Variants in ZNF566 observed in about 807,000 individuals in gnomAD.
ZNF566 encodes zinc finger protein 566.
In ZNF566, 27 loss-of-function variants were observed where a neutral mutation model predicts 32.8. The ratio of observed to expected loss-of-function variants is 0.82; its 90% CI spans 0.61 to 1.14. The LOEUF (loss-of-function observed/expected upper bound fraction) is 1.14. ZNF566 is among the 50% of genes most tolerant of loss of function. The probability of loss-of-function intolerance (pLI) is 0.00; values close to 1 mark genes in which losing one functional copy is unlikely to be tolerated. For synonymous variants in ZNF566, 154 were observed against 159.5 expected (o/e 0.97, Z 0.26); for missense variants, 402 against 490.4 (o/e 0.82, Z 1.70).
At chr19:36,466,929 C>T (rs573290186) in intron 4 of ZNF566, among the ~76,000 whole-genome samples, 57 of 149,134 alleles carry the variant, frequency 3.8e-4, no homozygotes, top group African/African-American at 1.4e-3. Context: ...ATTAGCCGGG[C>T]GAGGTGGCAG....
At chr19:36,466,807 C>T (rs1600156841) in intron 4 of ZNF566, among the ~76,000 whole-genome samples, 1 of 152,182 alleles carries the variant, frequency 6.6e-6, no homozygotes, top group African/African-American at 2.4e-5. Flanking sequence ...GGCGCAGTGG[C>T]TCATGCCTAT....
chr19:36,459,526 T>A (rs1161937936), intron 4 of ZNF566, among the ~76,000 whole-genome samples: 1 of 150,942 alleles, frequency 6.6e-6, no homozygotes, highest in Non-Finnish European at 1.5e-5. Flanking sequence ...TACTTTTTTT[T>A]TTTGAGACAG....
intron 1 of ZNF566, among the ~76,000 whole-genome samples, chr19:36,483,897 G>T (rs1300058760): frequency 6.6e-6 from 1 of 151,948 alleles, no homozygotes. Context: ...ACAAGTTCTT[G>T]TTTGCCTTTT....
Position 36,449,688 on chromosome 19 carries a change from A to G in ZNF566, c.546T>C (p.His182=), listed in dbSNP as rs775365344. Residue 182 remains histidine, a synonymous_variant, in exon 5 of 5, where the codon CAT becomes CAC. Coordinates refer to ENST00000452939, the MANE Select transcript of ZNF566 (RefSeq NM_001145344.1). ...ASKEYRKTFR[H]GSQFATHEII... ...TCTCATGTGTAGCAAACTGTGAGCCATGTCTAAAGGTTTTCCTATATTCTT... is the reference window on the plus strand; with the variant it reads ...TCTCATGTGTAGCAAACTGTGAGCCGTGTCTAAAGGTTTTCCTATATTCTT... 1.2e-6 allele frequency: 2 copies of G among 1,614,142 alleles called. No individual in the cohort carries two copies. The highest frequency in any genetic ancestry group is 1.7e-6 in the Non-Finnish European group (2 of 1,180,020).
intron 1 of ZNF566, among the ~76,000 whole-genome samples, chr19:36,481,748 A>G (rs113448366): frequency 6.6e-6 from 1 of 152,194 alleles, no homozygotes; most frequent in Non-Finnish European, 1.5e-5. Flanking sequence ...GCAATAGAAA[A>G]ATACATATAT....
chr19:36,450,668 T>C (rs957912831), intron 4 of ZNF566, among the ~76,000 whole-genome samples: 1 of 151,884 alleles, frequency 6.6e-6, no homozygotes, highest in Non-Finnish European at 1.5e-5. Flanking sequence ...AATAAATAAA[T>C]AAATAAAGGA....
intron 4 of ZNF566, among the ~76,000 whole-genome samples, chr19:36,451,552 TTCAGTTACA>T (rs1329788102): frequency 6.6e-6 from 1 of 152,138 alleles, no homozygotes; most frequent in Non-Finnish European, 1.5e-5. Context: ...AGATACTAGA[TTCAGTTACA>T]TGCGTTTTAT....
intron 2 of ZNF566, among the ~76,000 whole-genome samples, chr19:36,474,530 T>G (rs1274357381): frequency 6.6e-6 from 1 of 152,164 alleles, no homozygotes. Flanking sequence ...AAGTGCAGTA[T>G]GGGAATACAA....
chr19:36,449,182 C>CAT lies in ZNF566; in HGVS notation c.1051_1052insAT (p.Gly351AspfsTer98). On this transcript the variant is annotated frameshift_variant, in exon 5 of 5. Transcript: ENST00000452939. LOFTEE classifies it high-confidence loss of function. ...TCTCTGATGTCTAGTAAGGTCTGAG[C>CAT]CAGAACGAAAAGCCTTTTCACATTC... 6.2e-7 allele frequency: 1 copy of CAT among 1,613,978 alleles called. No homozygotes were observed. Among genetic ancestry groups the CAT allele is most frequent in the South Asian group, 1.1e-5 (1 of 91,064 alleles).
intron 1 of ZNF566, among the ~76,000 whole-genome samples, chr19:36,480,110 T>C (rs2145701170): frequency 6.6e-6 from 1 of 152,122 alleles, no homozygotes; most frequent in Non-Finnish European, 1.5e-5. Flanking sequence ...GAGCTTATAA[T>C]AGCCGAGATA....
intron 1 of ZNF566, among the ~76,000 whole-genome samples, chr19:36,481,336 C>T (rs2967458): frequency 0.026 from 3,870 of 149,304 alleles, 164 homozygotes; most frequent in African/African-American, 0.09. Context: ...CTGGGCGTGG[C>T]GGCACGCGCC....
Position 36,489,532 on chromosome 19 carries a change from G to A in ZNF566, c.-106C>T. 2.9e-6 allele frequency: 1 copy of A among 350,692 alleles called. No individual in the cohort carries two copies. The highest frequency in any genetic ancestry group is 2.1e-5 in the South Asian group (1 of 46,650). The allele number at this position is 350,692 out of a possible 1,614,324, so 21.7% of individuals were successfully genotyped here. A position where few individuals can be genotyped will look rare whatever the true frequency, so the allele number is the denominator to read the frequency against. On this transcript the variant is annotated 5_prime_UTR_variant, in exon 1 of 5. Coordinates refer to ENST00000452939, the MANE Select transcript of ZNF566 (RefSeq NM_001145344.1). The stretch of plus-strand genomic sequence containing the variant: ...CCTCCCCGGCACTGGGGTAGTTGCT[G>A]GTAAAGCCCTGAGGGTCCCGCCAGC...
At chr19:36,459,185 T>A (rs2033394592) in intron 4 of ZNF566, among the ~76,000 whole-genome samples, 1 of 152,208 alleles carries the variant, frequency 6.6e-6, no homozygotes, top group African/African-American at 2.4e-5. Flanking sequence ...CAAATATGAA[T>A]TCTGGAAGGA....
chr19:36,484,651 G>A (rs1267442614), intron 1 of ZNF566, among the ~76,000 whole-genome samples: 4 of 145,964 alleles, frequency 2.7e-5, no homozygotes, highest in South Asian at 2.2e-4. Context: ...GTGCAGTGGC[G>A]CGATCTCAGC....
At chr19:36,477,793 C>G (rs547566044) in intron 1 of ZNF566, among the ~76,000 whole-genome samples, 1 of 151,894 alleles carries the variant, frequency 6.6e-6, no homozygotes. Flanking sequence ...GGATTATAAG[C>G]GTGAGACACC....
Position 36,449,496 on chromosome 19 carries a change from G to A in ZNF566, c.738C>T (p.His246=), listed in dbSNP as rs1182923969. 1 of 1,613,746 alleles carries A rather than the reference G, an allele frequency of 6.2e-7. No homozygotes were observed. Residue 246 remains histidine (H), a synonymous_variant, in exon 5 of 5, where the codon CAC becomes CAT. Coordinates refer to ENST00000452939, the MANE Select transcript of ZNF566 (RefSeq NM_001145344.1). ...FICGSDLTRH[H]RIHTGEKPYE... ...AGGGTTTCTCACCAGTGTGAATTCT[G>A]TGATGTCGAGTAAGGTCTGAGCCAC...
At position 36,482,368 on chromosome 19, in the gene ZNF566, G is replaced by A. The variant is rs546365963; in HGVS notation, c.-59-5752C>T. ...GATTCGCCGGCCTCGGCCTCCCAAA[G>A]TGTTGGGATTACAGGAGTGAGCCAC... On this transcript the variant is annotated intron_variant, in intron 1 of 4. Transcript: ENST00000452939. Among the ~76,000 whole-genome samples, 75 of 152,122 alleles carry A rather than the reference G, an allele frequency of 4.9e-4. 1 individual carries two copies. Among genetic ancestry groups the A allele is most frequent in the African/African-American group, 1.7e-3 (71 of 41,534 alleles).
intron 4 of ZNF566, among the ~76,000 whole-genome samples, chr19:36,467,519 G>A (rs142721705): frequency 2.3e-4 from 35 of 150,850 alleles, no homozygotes; most frequent in Admixed American, 4.0e-4. Flanking sequence ...AAATGTGGCC[G>A]GGCACGGTGG....
chr19:36,453,868 G>A (rs1600139141), intron 4 of ZNF566, among the ~76,000 whole-genome samples: 1 of 151,824 alleles, frequency 6.6e-6, no homozygotes, highest in African/African-American at 2.4e-5. Context: ...CTGTCTCCCA[G>A]GCTGGAGTGC....
Sources: allele counts gnomAD v4.1 joint callset (sites outside exome capture counted in the v4.1 genomes callset), GRCh38; gene constraint gnomAD v4.1.1; transcripts MANE v1.5; gene names NCBI Gene and HGNC (gene_info 2026-07-23, HGNC 2026-07-21).